The following CDC42SE2 variants were observed in gnomAD, a reference collection of about 807,000 sequenced individuals.
CDC42SE2 encodes the protein CDC42 small effector 2, also known as CDC42 small effector protein 2.
In CDC42SE2, 3 loss-of-function variants were observed where a neutral mutation model predicts 11.5. That is an observed-to-expected ratio of 0.26 (90% CI 0.12 to 0.67). The LOEUF is 0.67. Ranked by LOEUF, CDC42SE2 falls within the 30% of genes least tolerant of loss-of-function variation. The pLI is 0.80. For synonymous variants in CDC42SE2, 33 were observed against 34.8 expected (o/e 0.95, Z 0.18); for missense variants, 82 against 106.8 (o/e 0.77, Z 1.02).
rs557791187 is a variant in CDC42SE2 at position 131,368,195 on chromosome 5, A to G, written c.54+8648A>G. Among the ~76,000 whole-genome samples the G allele has an allele frequency of 1.5e-4, 23 of 150,396 alleles. No individual in the cohort carries two copies. In the South Asian group the frequency reaches 4.9e-3, roughly 32 times the overall value. ...GTGAACCTGGGAGGCGGAGCTTGCA[A>G]TGAGCCGAGATTGCGCCACTGCACT... On this transcript the variant is annotated intron_variant, in intron 3 of 4. Coordinates refer to ENST00000505065, the MANE Select transcript of CDC42SE2 (RefSeq NM_001375635.1).
At chr5:131,280,450 C>T (rs1757215618) in intron 1 of CDC42SE2, among the ~76,000 whole-genome samples, 1 of 152,090 alleles carries the variant, frequency 6.6e-6, no homozygotes, top group African/African-American at 2.4e-5. Flanking sequence ...CTTTTTATTA[C>T]TTCAGTTTGA....
At chr5:131,386,385 T>A (rs1750487485) in intron 4 of CDC42SE2, among the ~76,000 whole-genome samples, 1 of 152,238 alleles carries the variant, frequency 6.6e-6, no homozygotes, top group South Asian at 2.1e-4. Flanking sequence ...TATAAACTAT[T>A]CATCTTTACC....
intron 1 of CDC42SE2, among the ~76,000 whole-genome samples, chr5:131,312,664 C>G (rs188450777): frequency 6.6e-6 from 1 of 152,186 alleles, no homozygotes; most frequent in Admixed American, 6.5e-5. Flanking sequence ...TTAAGCCCCT[C>G]GGAAAAGCAC....
chr5:131,234,310 A>G, the CDC42SE2 span, among the ~76,000 whole-genome samples: 1 of 152,158 alleles, frequency 6.6e-6, no homozygotes, highest in Non-Finnish European at 1.5e-5. Context: ...GATAAACAGA[A>G]TCAATAGGAG....
chr5:131,321,401 T>C (rs1007060308), intron 2 of CDC42SE2, among the ~76,000 whole-genome samples: 2 of 152,192 alleles, frequency 1.3e-5, no homozygotes, highest in African/African-American at 4.8e-5. Context: ...TGGCACATGC[T>C]GATAGTCCTA....
chr5:131,377,272 G>A (rs1377693176), intron 3 of CDC42SE2, among the ~76,000 whole-genome samples: 1 of 151,326 alleles, frequency 6.6e-6, no homozygotes, highest in East Asian at 1.9e-4. Flanking sequence ...GGGTTCAAAC[G>A]ATTATTGTGT....
chr5:131,225,641 C>G, the CDC42SE2 span, among the ~76,000 whole-genome samples: 2 of 152,296 alleles, frequency 1.3e-5, no homozygotes, highest in East Asian at 1.9e-4. Flanking sequence ...TTTGCTTGCC[C>G]TACTTCCCTG....
At chr5:131,365,797 G>A (rs1389641162) in intron 3 of CDC42SE2, among the ~76,000 whole-genome samples, 23 of 152,208 alleles carry the variant, frequency 1.5e-4, no homozygotes, top group Admixed American at 8.5e-4. Flanking sequence ...CCTGGCTAAT[G>A]TGGTGAAACC....
At chr5:131,269,953 T>C (rs138157725) in intron 1 of CDC42SE2, among the ~76,000 whole-genome samples, 5,950 of 151,776 alleles carry the variant, frequency 0.039, 364 homozygotes, top group African/African-American at 0.13. Context: ...CCCAGCCACT[T>C]GGGAGTCTGA....
rs1430307031 is a variant in CDC42SE2 at position 131,295,746 on chromosome 5, G to A, written c.-454-20230G>A. On this transcript the variant is annotated intron_variant, in intron 1 of 4. Coordinates refer to ENST00000505065, the MANE Select transcript of CDC42SE2 (RefSeq NM_001375635.1). ...CACCCAGGCTGGAGTGCAGTGGCACGATCTCGGCTCACTGCAAGCTCCACC... is the reference window on the plus strand; with the variant it reads ...CACCCAGGCTGGAGTGCAGTGGCACAATCTCGGCTCACTGCAAGCTCCACC... Among the ~76,000 whole-genome samples, 9 of 140,038 alleles carry A rather than the reference G, an allele frequency of 6.4e-5. No homozygotes were observed. In the East Asian group the frequency reaches 6.8e-4, roughly 11 times the overall value. The allele number at this position is 140,038 out of a possible 152,430, so 91.9% of individuals were successfully genotyped here.
intron 2 of CDC42SE2, among the ~76,000 whole-genome samples, chr5:131,345,950 G>A (rs1278069899): frequency 6.6e-6 from 1 of 152,174 alleles, no homozygotes; most frequent in African/African-American, 2.4e-5. Flanking sequence ...AGCAAATGCT[G>A]AGAGATTTTG....
At chr5:131,232,734 CA>C in the CDC42SE2 span, among the ~76,000 whole-genome samples, 318 of 42,148 alleles carry the variant, frequency 7.5e-3, no homozygotes, top group South Asian at 0.017. Context: ...GACTCGGTCT[CA>C]AAAAAAAAAA....
chr5:131,325,246 T>C (rs756063355), intron 2 of CDC42SE2, among the ~76,000 whole-genome samples: 5 of 151,098 alleles, frequency 3.3e-5, no homozygotes, highest in African/African-American at 4.9e-5. Flanking sequence ...TTTTGAATAC[T>C]TTCTAAAAGC....
At chr5:131,351,683 TTTAA>T (rs1172893412) in intron 2 of CDC42SE2, among the ~76,000 whole-genome samples, 3 of 152,158 alleles carry the variant, frequency 2.0e-5, no homozygotes, top group Non-Finnish European at 2.9e-5. Flanking sequence ...AAAACTAAAA[TTTAA>T]TTAAAAACAG....
At chr5:131,228,351 A>G in the CDC42SE2 span, among the ~76,000 whole-genome samples, 3,865 of 152,264 alleles carry the variant, frequency 0.025, 167 homozygotes, top group African/African-American at 0.089. Flanking sequence ...TGAACAACAG[A>G]GCAAGACCTT....
At chr5:131,389,269 TTGAACTGGTATCATA>T (rs773168393) in intron 4 of CDC42SE2, among the ~76,000 whole-genome samples, 10 of 152,184 alleles carry the variant, frequency 6.6e-5, no homozygotes, top group Non-Finnish European at 1.3e-4. Context: ...GATGACGAAT[TTGAACTGGTATCATA>T]TGACAGGCCC....
the CDC42SE2 span, among the ~76,000 whole-genome samples, chr5:131,240,443 C>T: frequency 6.6e-6 from 1 of 152,118 alleles, no homozygotes; most frequent in Admixed American, 6.5e-5. Context: ...TAACTCTTAG[C>T]CTTCTGCTTT....
chr5:131,281,246 T>C (rs1458663366), intron 1 of CDC42SE2, among the ~76,000 whole-genome samples: 3 of 152,200 alleles, frequency 2.0e-5, no homozygotes, highest in East Asian at 1.9e-4. Context: ...TTCTCTTCAG[T>C]AGCTTTTTCT....
At chr5:131,320,927 G>GA (rs1305408370) in intron 2 of CDC42SE2, among the ~76,000 whole-genome samples, 2 of 152,102 alleles carry the variant, frequency 1.3e-5, no homozygotes, top group East Asian at 3.8e-4. Context: ...GTAGCCATCA[G>GA]AAAAAATCAG....
Sources: gnomAD v4.1 joint callset for allele counts (sites outside exome capture counted in the v4.1 genomes callset) on GRCh38, gnomAD v4.1.1 for gene constraint, MANE v1.5 for transcripts, NCBI Gene and HGNC (gene_info 2026-07-23, HGNC 2026-07-21) for gene names.